The following CXCL13 variants were observed in gnomAD, a reference collection of about 807,000 sequenced individuals.
CXCL13 encodes C-X-C motif chemokine 13.
CXCL13 carries 7 observed loss-of-function variants against 12.2 expected under a neutral mutation model. The ratio of observed to expected loss-of-function variants is 0.57; its 90% CI spans 0.33 to 1.07. The LOEUF (loss-of-function observed/expected upper bound fraction) is 1.07. Ranked by LOEUF, CXCL13 falls within the 50% of genes least tolerant of loss-of-function variation. The pLI is 0.04. For missense variants in CXCL13, 113 were observed against 127.4 expected, an observed-to-expected ratio of 0.89 and a Z score of 0.55; for synonymous variants, 47 against 42.4, an observed-to-expected ratio of 1.11 and a Z score of -0.42.
intron 1 of CXCL13, among the ~76,000 whole-genome samples, chr4:77,547,207 G>A (rs749467156): frequency 1.3e-5 from 2 of 151,948 alleles, no homozygotes; most frequent in Non-Finnish European, 2.9e-5. Context: ...TGAGAAGAAT[G>A]TATAATCTGT....
At chr4:77,584,395 G>A (rs1461971227) in intron 1 of CXCL13, among the ~76,000 whole-genome samples, 2 of 152,066 alleles carry the variant, frequency 1.3e-5, no homozygotes, top group East Asian at 3.9e-4. Context: ...TGAGAACAGG[G>A]AAGAAGATCA....
At chr4:77,528,086 A>G (rs1724811835) in intron 1 of CXCL13, among the ~76,000 whole-genome samples, 1 of 152,208 alleles carries the variant, frequency 6.6e-6, no homozygotes, top group Non-Finnish European at 1.5e-5. Context: ...AGCTTCATCC[A>G]TGTCCCTATA....
At chr4:77,547,852 T>G (rs548560046) in intron 1 of CXCL13, among the ~76,000 whole-genome samples, 2 of 152,166 alleles carry the variant, frequency 1.3e-5, no homozygotes, top group Non-Finnish European at 2.9e-5. Flanking sequence ...ATTTGGTATG[T>G]TTTTGCAGTG....
intron 1 of CXCL13, among the ~76,000 whole-genome samples, chr4:77,566,565 TAA>T (rs1367700803): frequency 1.9e-4 from 28 of 148,990 alleles, no homozygotes; most frequent in African/African-American, 6.8e-4. Context: ...GTTTTAAATT[TAA>T]AAAAAAAAAT....
upstream of CXCL13, among the ~76,000 whole-genome samples, chr4:77,601,155 A>T (rs1726874678): frequency 6.6e-6 from 1 of 152,192 alleles, no homozygotes; most frequent in Admixed American, 6.5e-5. Context: ...CCTGCATTTA[A>T]GTTGGGTTTA....
intron 1 of CXCL13, among the ~76,000 whole-genome samples, chr4:77,590,991 T>C (rs1485576904): frequency 2.0e-5 from 3 of 152,190 alleles, no homozygotes; most frequent in Non-Finnish European, 4.4e-5. Flanking sequence ...GTGATTCTTG[T>C]GCCTCAGCCT....
At chr4:77,540,742 GT>G (rs1008249881) in intron 1 of CXCL13, among the ~76,000 whole-genome samples, 3 of 152,124 alleles carry the variant, frequency 2.0e-5, no homozygotes, top group African/African-American at 4.8e-5. Context: ...AGTGCGTGTG[GT>G]TTTTTGGTAT....
At chr4:77,604,509 G>A (rs570600961), upstream of CXCL13, among the ~76,000 whole-genome samples, 90 of 151,472 alleles carry the variant, frequency 5.9e-4, no homozygotes, top group African/African-American at 2.1e-3. Context: ...TGTGATAAGG[G>A]GTTGAATTAG....
At chr4:77,540,742 G>GT (rs1008249881) in intron 1 of CXCL13, among the ~76,000 whole-genome samples, 1 of 152,124 alleles carries the variant, frequency 6.6e-6, no homozygotes, top group Non-Finnish European at 1.5e-5. Context: ...AGTGCGTGTG[G>GT]TTTTTTGGTA....
intron 1 of CXCL13, among the ~76,000 whole-genome samples, chr4:77,545,227 C>A (rs982482882): frequency 6.6e-6 from 1 of 152,074 alleles, no homozygotes; most frequent in Admixed American, 6.5e-5. Flanking sequence ...CTTGGCAATG[C>A]GGGCTCTTTT....
chr4:77,548,633 T>A (rs1725434340), intron 1 of CXCL13, among the ~76,000 whole-genome samples: 1 of 152,196 alleles, frequency 6.6e-6, no homozygotes, highest in Non-Finnish European at 1.5e-5. Context: ...TAGAAAATAA[T>A]CTTTTCGTTA....
chr4:77,578,320 A>ATAG (rs1307300421), intron 1 of CXCL13, among the ~76,000 whole-genome samples: 1 of 152,182 alleles, frequency 6.6e-6, no homozygotes, highest in African/African-American at 2.4e-5. Context: ...GGACCCTTAG[A>ATAG]TAGCCCTCTG....
chr4:77,562,203 G>A (rs1291906642), intron 1 of CXCL13, among the ~76,000 whole-genome samples: 21 of 21,774 alleles, frequency 9.6e-4, no homozygotes, highest in Admixed American at 2.6e-3. Flanking sequence ...CCCCCGCCCC[G>A]CCTACAGCCA....
At chr4:77,520,715 C>T (rs1447165091) in intron 1 of CXCL13, among the ~76,000 whole-genome samples, 1 of 152,142 alleles carries the variant, frequency 6.6e-6, no homozygotes, top group African/African-American at 2.4e-5. Flanking sequence ...ATTTCTTTCT[C>T]TTGCCTGATT....
chr4:77,561,103 G>A (rs1002701325), intron 1 of CXCL13, among the ~76,000 whole-genome samples: 9 of 152,256 alleles, frequency 5.9e-5, no homozygotes, highest in African/African-American at 1.9e-4. Context: ...TAAACCCACA[G>A]ATTAAACCTT....
At chr4:77,569,615 G>T (rs1395635576) in intron 1 of CXCL13, among the ~76,000 whole-genome samples, 1 of 152,148 alleles carries the variant, frequency 6.6e-6, no homozygotes, top group East Asian at 1.9e-4. Context: ...ACTGCTCAGA[G>T]AAATCAGAGG....
chr4:77,548,489 C>T lies in CXCL13; in HGVS notation c.-43+36701C>T, dbSNP rs1553915657. Among the ~76,000 whole-genome samples, 11 of 152,300 alleles carry T rather than the reference C, an allele frequency of 7.2e-5. No individual in the cohort carries two copies. The South Asian group carries it at 2.1e-3, about 29-fold the overall frequency. On this transcript the variant is annotated intron_variant, in intron 1 of 4. Coordinates refer to the CXCL13 transcript ENST00000286758. ...GAAGGCAGTGAATTTCTACTTTATGCATATTTTAGGGAGCAATACTGTGGC... is the reference window on the plus strand; with the variant it reads ...GAAGGCAGTGAATTTCTACTTTATGTATATTTTAGGGAGCAATACTGTGGC...
chr4:77,606,750 T>C (rs1727011626), intron 1 of CXCL13, among the ~76,000 whole-genome samples: 1 of 152,194 alleles, frequency 6.6e-6, no homozygotes, highest in Non-Finnish European at 1.5e-5. Flanking sequence ...CCTTCTGTGG[T>C]ATTTTAGTTT....
chr4:77,549,138 A>T (rs900904878), intron 1 of CXCL13, among the ~76,000 whole-genome samples: 21 of 152,142 alleles, frequency 1.4e-4, no homozygotes, highest in Admixed American at 3.9e-4. Context: ...CAGCTACTGA[A>T]GCTTGTGCAT....
Sources: allele counts gnomAD v4.1 joint callset (sites outside exome capture counted in the v4.1 genomes callset), GRCh38; gene constraint gnomAD v4.1.1; transcripts MANE v1.5; gene names NCBI Gene and HGNC (gene_info 2026-07-23, HGNC 2026-07-21).